Variants in NAV1 observed in about 807,000 individuals in gnomAD.
The protein encoded by NAV1 is pore membrane and/or filament interacting like protein 3.
NAV1 carries 18 observed loss-of-function variants against 175.2 expected under a neutral mutation model. That is an observed-to-expected ratio of 0.10 (90% confidence interval 0.07 to 0.15). The LOEUF is 0.15. NAV1 is among the 10% of genes least tolerant of loss of function. The probability of loss-of-function intolerance (pLI) is 1.00; values close to 1 mark genes in which losing one functional copy is unlikely to be tolerated. For missense variants in NAV1, 1,731 were observed against 2,436.6 expected (o/e 0.71, Z 6.10); for synonymous variants, 897 against 978.7 (o/e 0.92, Z 1.56).
rs114438007 is a variant in NAV1, at chr1:201,704,855, G to A, written c.758-7962G>A. Among the ~76,000 whole-genome samples, 355 of 152,286 alleles carry A rather than the reference G, an allele frequency of 2.3e-3. 1 individual carries two copies. The highest frequency in any genetic ancestry group is 8.2e-3 in the African/African-American group (339 of 41,546). On this transcript the variant is annotated intron_variant, in intron 1 of 29. Transcript: ENST00000367296. ...CCATAGAACCAGACTGTCAAAGCTG[G>A]GTAGGGGCTTGGGTATCCTCTACTC...
At chr1:201,796,134 T>C (rs1395868763) in intron 15 of NAV1, 1 of 152,164 alleles carries the variant, frequency 6.6e-6, no homozygotes, top group Non-Finnish European at 1.5e-5. Context: ...GCCATAAACA[T>C]TCATGTACAA....
At chr1:201,594,552 C>G (rs1667299910) in intron 2 of NAV1, among the ~76,000 whole-genome samples, 1 of 152,208 alleles carries the variant, frequency 6.6e-6, no homozygotes, top group Admixed American at 6.5e-5. Flanking sequence ...TCTCTATCAG[C>G]ATAGTTGAGG....
rs1669399346 is a variant in NAV1 at position 201,656,297 on chromosome 1, C to T, written c.757+6872C>T. 2.6e-5 allele frequency among the ~76,000 whole-genome samples: 4 copies of T among 152,216 alleles called. No individual in the cohort carries two copies. The South Asian group carries it at 8.3e-4, about 32-fold the overall frequency. ...CACTCTGGGCTTCTCAGGGTGCTTT[C>T]TCCTGTGAGTTAGAGGTGTGGAAAG... On this transcript the variant is annotated intron_variant, in intron 1 of 29. Coordinates refer to ENST00000367296, the Ensembl canonical transcript of NAV1.
chr1:201,802,010 G>T (rs886482206), intron 15 of NAV1, among the ~76,000 whole-genome samples: 17 of 149,484 alleles, frequency 1.1e-4, no homozygotes, highest in Non-Finnish European at 2.5e-4. Flanking sequence ...AGTGGCGGGC[G>T]CCTGTAGTCC....
chr1:201,629,002 C>T (rs1437487105), intron 1 of NAV1, among the ~76,000 whole-genome samples: 1 of 152,198 alleles, frequency 6.6e-6, no homozygotes, highest in Non-Finnish European at 1.5e-5. Context: ...GAGCTCTTCC[C>T]TGTGTATATG....
chr1:201,743,748 G>T (rs1673582073), intron 3 of NAV1, among the ~76,000 whole-genome samples: 1 of 152,034 alleles, frequency 6.6e-6, no homozygotes, highest in African/African-American at 2.4e-5. Context: ...ATATATCTCT[G>T]ATTTTTACTT....
intron 3 of NAV1, among the ~76,000 whole-genome samples, chr1:201,725,817 G>A (rs957473524): frequency 6.6e-6 from 1 of 151,950 alleles, no homozygotes; most frequent in Non-Finnish European, 1.5e-5. Flanking sequence ...ACTTAACTGG[G>A]CATGGTGGCA....
intron 2 of NAV1, among the ~76,000 whole-genome samples, chr1:201,631,884 T>G (rs942720549): frequency 6.6e-6 from 1 of 152,078 alleles, no homozygotes; most frequent in African/African-American, 2.4e-5. Flanking sequence ...GACCATGAAC[T>G]CATCTTGCCC....
intron 1 of NAV1, among the ~76,000 whole-genome samples, chr1:201,580,037 A>G (rs1040648824): frequency 2.6e-5 from 4 of 152,242 alleles, no homozygotes; most frequent in Admixed American, 6.5e-5. Flanking sequence ...CGCAAATCCC[A>G]GAATCCAAAA....
intron 1 of NAV1, among the ~76,000 whole-genome samples, chr1:201,671,964 G>A (rs570375936): frequency 2.6e-5 from 4 of 152,244 alleles, no homozygotes; most frequent in South Asian, 4.2e-4. Flanking sequence ...CTGATCCTCC[G>A]CATCCCGGCC....
At chr1:201,622,806 T>C (rs1668213650), upstream of NAV1, 4 of 984,324 alleles carry the variant, frequency 4.1e-6, no homozygotes, top group Non-Finnish European at 3.6e-6. Flanking sequence ...GGATGGAAGC[T>C]TGTGGGGATG....
intron 1 of NAV1, among the ~76,000 whole-genome samples, chr1:201,695,844 C>T (rs1197251515): frequency 1.3e-5 from 2 of 152,228 alleles, no homozygotes; most frequent in African/African-American, 2.4e-5. Context: ...TGCCACCACC[C>T]CGGCAGGAGC....
intron 1 of NAV1, among the ~76,000 whole-genome samples, chr1:201,667,778 A>T (rs1669884878): frequency 6.6e-6 from 1 of 152,178 alleles, no homozygotes; most frequent in Non-Finnish European, 1.5e-5. Flanking sequence ...AGTTCCTCCC[A>T]CATACAGAGA....
intron 2 of NAV1, among the ~76,000 whole-genome samples, chr1:201,602,098 G>GA (rs112706038): frequency 2.6e-5 from 4 of 151,632 alleles, no homozygotes; most frequent in Admixed American, 1.3e-4. Flanking sequence ...GGTCTAAAAT[G>GA]AAAAAAAACA....
chr1:201,660,163 T>A (rs965395319), intron 1 of NAV1, among the ~76,000 whole-genome samples: 1 of 151,824 alleles, frequency 6.6e-6, no homozygotes, highest in African/African-American at 2.4e-5. Flanking sequence ...GGAAAGAGAG[T>A]CACAACAGCA....
chr1:201,594,000 C>T (rs1451317341), intron 2 of NAV1, among the ~76,000 whole-genome samples: 1 of 151,606 alleles, frequency 6.6e-6, no homozygotes, highest in Non-Finnish European at 1.5e-5. Context: ...CTGAATGTAG[C>T]AAGCCATCCT....
chr1:201,729,250 C>T (rs1256737933), intron 3 of NAV1, among the ~76,000 whole-genome samples: 1 of 152,208 alleles, frequency 6.6e-6, no homozygotes, highest in Non-Finnish European at 1.5e-5. Context: ...GTGTTCAGAT[C>T]CCAGCTCTGA....
Position 201,812,665 on chromosome 1 carries a change from C to A in NAV1, c.5221+4C>A, listed in dbSNP as rs1678762089. On this transcript the variant is annotated splice_donor_region_variant and intron_variant, in intron 27 of 29. Transcript: ENST00000367296. This position sits in a 1 kb window ranked among gnomAD's most constrained non-coding sequence, Gnocchi z 4.6. ...AGCACCTCAGACTTCCTCATCGGTA[C>A]TGGGGTCCAGCTTCCCCCGGGGGTC... The A allele has an allele frequency of 1.2e-6, 2 of 1,611,702 alleles. No individual in the cohort carries two copies. The highest frequency in any genetic ancestry group is 2.2e-5 in the East Asian group (1 of 44,868).
chr1:201,653,226 A>G (rs1398962953), intron 1 of NAV1, among the ~76,000 whole-genome samples: 2 of 152,076 alleles, frequency 1.3e-5, no homozygotes, highest in African/African-American at 4.8e-5. Context: ...TCAAAGCAAA[A>G]CTAGTCTTTT....
Sources: gnomAD v4.1 joint callset for allele counts (sites outside exome capture counted in the v4.1 genomes callset) on GRCh38, gnomAD v4.1.1 for gene constraint, Gnocchi (gnomAD v3.1) non-coding constraint, MANE v1.5 for transcripts, NCBI Gene and HGNC (gene_info 2026-07-23, HGNC 2026-07-21) for gene names.